The following SHOC1 variants were observed in gnomAD, a reference collection of about 807,000 sequenced individuals.
SHOC1 encodes the protein shortage in chiasmata 1, also known as protein shortage in chiasmata 1 ortholog.
In SHOC1, 136 loss-of-function variants were observed where a neutral mutation model predicts 179.2. The ratio of observed to expected loss-of-function variants is 0.76; its 90% CI spans 0.66 to 0.87. The LOEUF is 0.87. SHOC1 is among the 40% of genes least tolerant of loss of function. SHOC1 has a pLI of 0.00. For synonymous variants in SHOC1, 489 were observed against 586.6 expected, an observed-to-expected ratio of 0.83 and a Z score of 2.41; for missense variants, 1,538 against 1,700.8, an observed-to-expected ratio of 0.90 and a Z score of 1.68.
In SHOC1 at chr9:111,770,006, T is replaced by C. The variant is rs936331741; in HGVS notation, c.442+5785A>G. 1.6e-5 allele frequency among the ~76,000 whole-genome samples: 2 copies of C among 127,666 alleles called. 1 individual carries two copies. The highest frequency in any genetic ancestry group is 5.5e-5 in the African/African-American group (2 of 36,574). The allele number at this position is 127,666 out of a possible 152,430, so 83.8% of individuals were successfully genotyped here. On this transcript the variant is annotated intron_variant, in intron 5 of 27. Transcript: ENST00000682961. ...TTTTTGTTTTTTTTTTTTTTTTTTT[T>C]TTAGTCTTAGTTTCATGTATTTCTG...
At chr9:111,785,227 T>C (rs1427564008) in intron 3 of SHOC1, among the ~76,000 whole-genome samples, 1 of 152,172 alleles carries the variant, frequency 6.6e-6, no homozygotes, top group East Asian at 1.9e-4. Context: ...AGAGAGACAT[T>C]TCCCTAACTA....
rs1831170593 is a variant in SHOC1 at position 111,686,592 on chromosome 9, C to T, written c.*178G>A. 1 of 477,304 alleles carries T rather than the reference C, an allele frequency of 2.1e-6. No individual in the cohort carries two copies. Among genetic ancestry groups the T allele is most frequent in the African/African-American group, 2.0e-5 (1 of 49,708 alleles). 29.6% of individuals were successfully genotyped at this position (477,304 alleles called of 1,614,324 possible). A position where few individuals can be genotyped will look rare whatever the true frequency, so the allele number is the denominator to read the frequency against. The stretch of plus-strand genomic sequence containing the variant: ...CTAATTGATAAATTAGAATATTTAA[C>T]TTACAAAGATGCAAACCATAGGGCA... On this transcript the variant is annotated 3_prime_UTR_variant, in exon 28 of 28. Transcript: ENST00000682961.
At position 111,752,884 on chromosome 9, in the gene SHOC1, C is replaced by T. The variant is rs1400785482; in HGVS notation, c.862+3441G>A. Among the ~76,000 whole-genome samples the T allele has an allele frequency of 2.0e-5, 3 of 151,966 alleles. No homozygotes were observed. In the East Asian group the frequency reaches 5.8e-4, roughly 29 times the overall value. On this transcript the variant is annotated intron_variant, in intron 8 of 27. Transcript: ENST00000682961. Reference sequence around the variant, plus strand: ...ATTGAAGACAGAGCAACAGAAATTACACAATCTGAAAAACAATAAGAAAAA... The same window carrying T: ...ATTGAAGACAGAGCAACAGAAATTATACAATCTGAAAAACAATAAGAAAAA...
chr9:111,686,834 C>A lies in SHOC1; in HGVS notation c.4463G>T (p.Arg1488Leu). Reference sequence around the variant, plus strand: ...AGGGACTTTTTCATATGCTAGACGTCGTTTTTTGAATTGTGGTAGTTGTGA... The same window carrying A: ...AGGGACTTTTTCATATGCTAGACGTAGTTTTTTGAATTGTGGTAGTTGTGA... ...MCSQLPQFKKRRLAYEKVPGR... is the reference protein window; with the variant it reads ...MCSQLPQFKKLRLAYEKVPGR... The change falls in exon 28 of 28, where the codon CGA becomes CTA. Residue 1488 changes from arginine to leucine, a missense_variant. Physicochemically the swap from Arg to Leu is moderately radical, Grantham distance 102. Transcript: ENST00000682961. The A allele has an allele frequency of 6.2e-7, 1 of 1,611,962 alleles. No individual in the cohort carries two copies. The highest frequency in any genetic ancestry group is 1.1e-5 in the South Asian group (1 of 91,032).
At chr9:111,698,107 G>C (rs1443082206) in intron 24 of SHOC1, among the ~76,000 whole-genome samples, 1 of 152,130 alleles carries the variant, frequency 6.6e-6, no homozygotes, top group Non-Finnish European at 1.5e-5. Context: ...TGTCAGATGG[G>C]TAGATTGTAA....
intron 13 of SHOC1, among the ~76,000 whole-genome samples, chr9:111,724,562 G>T (rs912430723): frequency 2.6e-5 from 4 of 151,832 alleles, no homozygotes; most frequent in African/African-American, 9.7e-5. Context: ...GTCTCCCTGT[G>T]TTGTCCAGGC....
intron 27 of SHOC1, 69 bp from the exon 28 acceptor site, chr9:111,686,939 C>CTTTTTTTTTTTTTTTTTTTTTT (rs10537471): frequency 2.0e-6 from 1 of 498,932 alleles, no homozygotes. Flanking sequence ...TTTTCTTTTC[C>CTTTTTTTTTTTTTTTTTTTTTT]TTTTTTTTTT....
chr9:111,693,774 A>G, intron 26 of SHOC1, 25 bp downstream of exon 26: 1 of 1,528,062 alleles, frequency 6.5e-7, no homozygotes, highest in Non-Finnish European at 9.0e-7. Context: ...AATTCATATC[A>G]TAGTACAGAT....
rs372656232 is a variant in SHOC1 at position 111,692,149 on chromosome 9, T to C, written c.3828A>G (p.Ser1276=). 6.2e-7 allele frequency: 1 copy of C among 1,613,762 alleles called. No individual in the cohort carries two copies. The highest frequency in any genetic ancestry group is 2.2e-5 in the East Asian group (1 of 44,858). The change falls in exon 27 of 28, where the codon TCA becomes TCG. Residue 1276 remains serine, a synonymous_variant. Coordinates refer to ENST00000682961, the MANE Select transcript of SHOC1 (RefSeq NM_001378211.1). ...GAAAGGAGTTATAAGCCGGTCTCCT[T>C]GATTCTATATTAATTAGAAAAGGAG... The part of the protein sequence containing the change: ...QNTPFLINIE[S]RRPAYNSFLN...
intron 5 of SHOC1, among the ~76,000 whole-genome samples, chr9:111,766,107 A>G (rs1285052492): frequency 1.3e-5 from 2 of 151,822 alleles, no homozygotes; most frequent in African/African-American, 4.8e-5. Context: ...CTCTAACTTC[A>G]TGAGATCCAC....
chr9:111,725,844 T>G (rs1398356124), intron 13 of SHOC1, among the ~76,000 whole-genome samples: 4 of 152,198 alleles, frequency 2.6e-5, no homozygotes, highest in African/African-American at 9.6e-5. Flanking sequence ...TTTTGTGATC[T>G]TTTCAATTTT....
At position 111,691,204 on chromosome 9, in the gene SHOC1, G is replaced by A. The variant is rs147139326; in HGVS notation, c.4426+347C>T. Among the ~76,000 whole-genome samples the A allele has an allele frequency of 7.9e-5, 12 of 152,210 alleles. No individual in the cohort carries two copies. In the East Asian group the frequency reaches 1.9e-3, roughly 24 times the overall value. On this transcript the variant is annotated intron_variant, in intron 27 of 27. Coordinates refer to ENST00000682961, the MANE Select transcript of SHOC1 (RefSeq NM_001378211.1). ...ACCTAATTAGGCTCTTTTAATAAACGTTAGTCAGTTAAATATACCTGCTCC... is the reference window on the plus strand; with the variant it reads ...ACCTAATTAGGCTCTTTTAATAAACATTAGTCAGTTAAATATACCTGCTCC...
chr9:111,720,851 G>T, intron 15 of SHOC1, among the ~76,000 whole-genome samples: 1 of 152,226 alleles, frequency 6.6e-6, no homozygotes, highest in Non-Finnish European at 1.5e-5. Context: ...ACAGTAATAA[G>T]AAGTGTCAGC....
Position 111,775,810 on chromosome 9 carries a change from T to A in SHOC1, c.423A>T (p.Ala141=), listed in dbSNP as rs1324102445. The A allele has an allele frequency of 1.2e-6, 2 of 1,607,926 alleles. No individual in the cohort carries two copies. Among genetic ancestry groups the A allele is most frequent in the Non-Finnish European group, 1.7e-6 (2 of 1,178,398 alleles). The change falls in exon 5 of 28, where the codon GCA becomes GCT. Residue 141 remains alanine, a synonymous_variant. Coordinates refer to ENST00000682961, the MANE Select transcript of SHOC1 (RefSeq NM_001378211.1). Reference sequence around the variant, plus strand: ...TTTTACCTTGGTTCTGGTTTTGAAGTGCTGAACATTTTTCTAAACAACTGA... The same window carrying A: ...TTTTACCTTGGTTCTGGTTTTGAAGAGCTGAACATTTTTCTAAACAACTGA... ...TPVSCLEKCS[A]LQNQNQDLFI... is the part of the protein sequence containing the mutation.
intron 16 of SHOC1, among the ~76,000 whole-genome samples, chr9:111,716,679 T>C (rs1416234247): frequency 3.9e-5 from 6 of 152,114 alleles, no homozygotes; most frequent in East Asian, 1.9e-4. Context: ...GCGTGAGCCA[T>C]GGCACCCAGC....
chr9:111,711,802 A>T (rs1832564108), intron 18 of SHOC1, among the ~76,000 whole-genome samples: 1 of 152,170 alleles, frequency 6.6e-6, no homozygotes, highest in African/African-American at 2.4e-5. Flanking sequence ...AGAGGGCATG[A>T]GTTTGTGAGT....
chr9:111,773,556 C>T (rs1007578235), intron 5 of SHOC1, among the ~76,000 whole-genome samples: 2 of 152,168 alleles, frequency 1.3e-5, no homozygotes, highest in African/African-American at 4.8e-5. Context: ...AGGTGATCCA[C>T]CCGCCTCAGT....
chr9:111,754,891 A>C (rs1226918236), intron 8 of SHOC1, among the ~76,000 whole-genome samples: 1 of 152,230 alleles, frequency 6.6e-6, no homozygotes, highest in Non-Finnish European at 1.5e-5. Flanking sequence ...TGTTCAGAGT[A>C]GGCAAATCTA....
chr9:111,749,572 T>C (rs1233032118), intron 8 of SHOC1, among the ~76,000 whole-genome samples: 1 of 152,148 alleles, frequency 6.6e-6, no homozygotes, highest in African/African-American at 2.4e-5. Context: ...GTTTGTTACA[T>C]AGGTAAGCAT....
Sources: gnomAD v4.1 joint callset for allele counts (sites outside exome capture counted in the v4.1 genomes callset) on GRCh38, gnomAD v4.1.1 for gene constraint, MANE v1.5 for transcripts, NCBI Gene and HGNC (gene_info 2026-07-23, HGNC 2026-07-21) for gene names.